Variants in SORCS1 observed in about 807,000 individuals in gnomAD.
SORCS1 encodes sortilin related VPS10 domain containing receptor 1.
In SORCS1, 60 loss-of-function variants were observed where a neutral mutation model predicts 146.1. The ratio of observed to expected loss-of-function variants is 0.41; its 90% CI spans 0.33 to 0.51. The LOEUF is 0.51. SORCS1 is among the 20% of genes least tolerant of loss of function. SORCS1 has a pLI of 0.21. For missense variants in SORCS1, 1,352 were observed against 1,487.6 expected (o/e 0.91, Z 1.50); for synonymous variants, 637 against 584.0 (o/e 1.09, Z -1.31).
At chr10:106,938,064 G>C (rs1375304248) in intron 2 of SORCS1, among the ~76,000 whole-genome samples, 1 of 151,738 alleles carries the variant, frequency 6.6e-6, no homozygotes, top group Non-Finnish European at 1.5e-5. Context: ...ACCACAGCTT[G>C]GACAGATTAG....
chr10:107,110,963 C>T (rs183836611), intron 1 of SORCS1, among the ~76,000 whole-genome samples: 105 of 152,280 alleles, frequency 6.9e-4, no homozygotes, highest in African/African-American at 2.4e-3. Flanking sequence ...ACACTGGTAA[C>T]AGGCCTGCCA....
chr10:107,053,535 T>C (rs1960330318), intron 1 of SORCS1, among the ~76,000 whole-genome samples: 1 of 151,770 alleles, frequency 6.6e-6, no homozygotes, highest in Admixed American at 6.6e-5. Flanking sequence ...TTTAGTCAAT[T>C]GAAAAAAAAA....
chr10:106,699,485 AC>A, intron 8 of SORCS1, 92 bp from the exon 9 acceptor site: 1 of 1,141,998 alleles, frequency 8.8e-7, no homozygotes, highest in Non-Finnish European at 1.2e-6. Context: ...AATGAGGAAT[AC>A]CAGAATGAGC....
chr10:107,019,555 G>C (rs1433245384), intron 1 of SORCS1, among the ~76,000 whole-genome samples: 1 of 152,174 alleles, frequency 6.6e-6, no homozygotes, highest in Non-Finnish European at 1.5e-5. Flanking sequence ...GAAAGAGAGA[G>C]CTCATTCACT....
At chr10:106,689,301 T>C (rs1191326368) in intron 9 of SORCS1, among the ~76,000 whole-genome samples, 1 of 152,222 alleles carries the variant, frequency 6.6e-6, no homozygotes, top group Admixed American at 6.5e-5. Flanking sequence ...TTTACCCTGC[T>C]TGCAACTGTA....
intron 1 of SORCS1, among the ~76,000 whole-genome samples, chr10:107,016,511 GA>G (rs200071132): frequency 0.013 from 1,982 of 147,516 alleles, 26 homozygotes; most frequent in Admixed American, 0.037. Flanking sequence ...TCTCAAAAAA[GA>G]AAAAAAAAAT....
At chr10:106,997,201 T>C (rs1299583756) in intron 1 of SORCS1, among the ~76,000 whole-genome samples, 1 of 152,198 alleles carries the variant, frequency 6.6e-6, no homozygotes, top group African/African-American at 2.4e-5. Context: ...TACTTACCTT[T>C]AGACTCAGCA....
chr10:106,842,130 T>C (rs192847092), intron 2 of SORCS1, among the ~76,000 whole-genome samples: 24 of 151,874 alleles, frequency 1.6e-4, no homozygotes, highest in African/African-American at 5.8e-4. Context: ...AATAGGTGTA[T>C]AGCAGCGTAT....
chr10:106,752,167 C>T (rs1178711106), intron 5 of SORCS1, among the ~76,000 whole-genome samples: 2 of 152,138 alleles, frequency 1.3e-5, no homozygotes, highest in Non-Finnish European at 2.9e-5. Flanking sequence ...GCTTTTCCTA[C>T]CAATCACATA....
chr10:106,971,474 C>A (rs1299173205), intron 1 of SORCS1, among the ~76,000 whole-genome samples: 1 of 152,136 alleles, frequency 6.6e-6, no homozygotes, highest in Non-Finnish European at 1.5e-5. Flanking sequence ...ATCAGAATAC[C>A]CTGAGAAATT....
intron 2 of SORCS1, among the ~76,000 whole-genome samples, chr10:106,945,438 ACAATC>A (rs1309572371): frequency 6.6e-6 from 1 of 152,226 alleles, no homozygotes; most frequent in Non-Finnish European, 1.5e-5. Context: ...ACATAAAAGG[ACAATC>A]CAAAACAGTA....
intron 1 of SORCS1, among the ~76,000 whole-genome samples, chr10:107,163,498 C>T (rs620209): frequency 0.16 from 24,356 of 152,122 alleles, 2,749 homozygotes; most frequent in African/African-American, 0.33. Context: ...TTAGGAGCTC[C>T]GCATGAAATT....
intron 1 of SORCS1, among the ~76,000 whole-genome samples, chr10:107,026,621 A>C (rs1219643880): frequency 1.3e-5 from 2 of 152,114 alleles, no homozygotes; most frequent in Non-Finnish European, 2.9e-5. Flanking sequence ...CCATCAAAAA[A>C]AAAAAAAAAG....
intron 6 of SORCS1, among the ~76,000 whole-genome samples, chr10:106,729,274 G>A (rs1407527248): frequency 6.6e-6 from 1 of 152,130 alleles, no homozygotes; most frequent in African/African-American, 2.4e-5. Flanking sequence ...TATGTGAAAT[G>A]AGAAAAACAA....
chr10:107,141,774 C>T (rs940526857), intron 1 of SORCS1, among the ~76,000 whole-genome samples: 22 of 152,174 alleles, frequency 1.4e-4, no homozygotes, highest in African/African-American at 5.1e-4. Flanking sequence ...AGGAGCTTCC[C>T]CCAGCACAGT....
chr10:106,577,035 C>A lies in SORCS1; in HGVS notation c.*385G>T. On this transcript the variant is annotated 3_prime_UTR_variant, in exon 26 of 26. Transcript: ENST00000263054. ...AAAATAGAGCACCTGTACACTGCCC[C>A]TCCAGACATGTTCTCAGAGTATTGT... 1 of 392,128 alleles carries A rather than the reference C, an allele frequency of 2.6e-6. No homozygotes were observed. The highest frequency in any genetic ancestry group is 4.6e-6 in the Non-Finnish European group (1 of 215,816). 24.3% of individuals were successfully genotyped at this position (392,128 alleles called of 1,614,324 possible). A position where few individuals can be genotyped will look rare whatever the true frequency, so the allele number is the denominator to read the frequency against.
At chr10:106,806,592 T>C (rs1054876530) in intron 3 of SORCS1, among the ~76,000 whole-genome samples, 1 of 132,404 alleles carries the variant, frequency 7.6e-6, no homozygotes, top group African/African-American at 2.8e-5. Flanking sequence ...CTCCGGTCAC[T>C]GCAAGCTCTG....
intron 24 of SORCS1, among the ~76,000 whole-genome samples, chr10:106,595,652 G>A (rs984036556): frequency 1.3e-5 from 2 of 152,212 alleles, no homozygotes; most frequent in Non-Finnish European, 2.9e-5. Context: ...TGGTCAGCCT[G>A]CTTGGCCTTC....
chr10:106,724,100 TA>T (rs1044254822), intron 6 of SORCS1, among the ~76,000 whole-genome samples: 7 of 152,194 alleles, frequency 4.6e-5, no homozygotes, highest in African/African-American at 1.7e-4. Flanking sequence ...TATTATGATA[TA>T]AAAATTTCTG....
Sources: gnomAD v4.1 joint callset for allele counts (sites outside exome capture counted in the v4.1 genomes callset) on GRCh38, gnomAD v4.1.1 for gene constraint, MANE v1.5 for transcripts, NCBI Gene and HGNC (gene_info 2026-07-23, HGNC 2026-07-21) for gene names.